The following CHEK1 variants were observed in gnomAD, a reference collection of about 807,000 sequenced individuals.
The protein encoded by CHEK1 is serine/threonine-protein kinase Chk1.
A neutral mutation model predicts 60.2 loss-of-function variants in CHEK1; 32 were observed. That is an observed-to-expected ratio of 0.53 (90% confidence interval 0.40 to 0.71). The LOEUF is 0.71. Among genes scored for constraint, CHEK1 ranks in the 30% least tolerant of loss-of-function variants. CHEK1 has a pLI of 0.00. For missense variants in CHEK1, 399 were observed against 564.6 expected (o/e 0.71, Z 2.97); for synonymous variants, 179 against 187.2 (o/e 0.96, Z 0.36).
downstream of CHEK1, chr11:125,676,514 G>C (rs1350828481): frequency 6.2e-7 from 1 of 1,613,110 alleles, no homozygotes; most frequent in African/African-American, 1.3e-5. Flanking sequence ...ACATTTCCTT[G>C]TGGACCAGAT....
Position 125,654,924 on chromosome 11 carries a change from A to G in CHEK1, c.1336-301A>G, listed in dbSNP as rs371756584. Among the ~76,000 whole-genome samples, 14 of 152,330 alleles carry G rather than the reference A, an allele frequency of 9.2e-5. No individual in the cohort carries two copies. In the East Asian group the frequency reaches 2.5e-3, roughly 27 times the overall value. On this transcript the variant is annotated intron_variant, in intron 12 of 12. Transcript: ENST00000438015. ...TTTCCAAACCCTCACTGCCTATGGAATGTAATGACTTAGGTCCAGATATAC... is the reference window on the plus strand; with the variant it reads ...TTTCCAAACCCTCACTGCCTATGGAGTGTAATGACTTAGGTCCAGATATAC...
chr11:125,681,063 TA>T (rs11398416), downstream of CHEK1: 3,529 of 168,288 alleles, frequency 0.021, 26 homozygotes, highest in African/African-American at 0.033. This position sits in a 1 kb window ranked among gnomAD's most constrained non-coding sequence, Gnocchi z 4.2. Context: ...GCCCTATCTT[TA>T]AAAAAAAAAA....
At chr11:125,636,363 C>G (rs1437772235) in intron 7 of CHEK1, among the ~76,000 whole-genome samples, 2 of 152,034 alleles carry the variant, frequency 1.3e-5, no homozygotes, top group African/African-American at 4.8e-5. Flanking sequence ...CTTTTAATCA[C>G]TTTGTTGGAG....
rs1940716041 is a variant in CHEK1, at chr11:125,628,484, GGA to G, written c.289+660_289+661del. On this transcript the variant is annotated intron_variant, in intron 3 of 12. Transcript: ENST00000438015. Reference sequence around the variant, plus strand: ...GTATTAGGATCTCCAGTGTGACTCAGGAGAGAGTTGAGGGTAAAAGAAATGGA... The same window carrying G: ...GTATTAGGATCTCCAGTGTGACTCAGGAGAGTTGAGGGTAAAAGAAATGGA... Among the ~76,000 whole-genome samples the G allele has an allele frequency of 2.0e-5, 3 of 152,286 alleles. No individual in the cohort carries two copies. In the South Asian group the frequency reaches 6.2e-4, roughly 32 times the overall value.
downstream of CHEK1, among the ~76,000 whole-genome samples, chr11:125,680,258 T>C (rs575550155): frequency 6.6e-6 from 1 of 152,304 alleles, no homozygotes; most frequent in South Asian, 2.1e-4. Context: ...GAAAACCTGA[T>C]TGATATAACA....
chr11:125,665,696 T>G (rs1368915467), intron 13 of CHEK1, among the ~76,000 whole-genome samples: 1 of 152,048 alleles, frequency 6.6e-6, no homozygotes, highest in African/African-American at 2.4e-5. Flanking sequence ...TTCTTTATGG[T>G]TCAATCTTGA....
At chr11:125,673,139 A>G (rs1942286364) in intron 13 of CHEK1, among the ~76,000 whole-genome samples, 1 of 151,604 alleles carries the variant, frequency 6.6e-6, no homozygotes. Flanking sequence ...CAAATTCTGC[A>G]TCCTTTTCTC....
intron 13 of CHEK1, among the ~76,000 whole-genome samples, chr11:125,664,695 A>C (rs970009953): frequency 6.6e-6 from 1 of 152,156 alleles, no homozygotes. Context: ...TCAGATGGAT[A>C]CTTTGCAAAT....
chr11:125,637,716 G>C (rs1045361287), intron 8 of CHEK1, among the ~76,000 whole-genome samples, 172 bp downstream of exon 8: 16 of 152,116 alleles, frequency 1.1e-4, no homozygotes, highest in Non-Finnish European at 1.8e-4. Context: ...TAATTATAAA[G>C]GGGAAAGTCA....
downstream of CHEK1, among the ~76,000 whole-genome samples, chr11:125,678,801 C>A (rs1005580336): frequency 5.9e-5 from 9 of 151,478 alleles, no homozygotes; most frequent in African/African-American, 9.7e-5. Flanking sequence ...GAAGAGTTAA[C>A]CTTTGGACAG....
intron 11 of CHEK1, among the ~76,000 whole-genome samples, chr11:125,646,154 C>T (rs150306841): frequency 6.6e-6 from 1 of 152,114 alleles, no homozygotes; most frequent in African/African-American, 2.4e-5. Context: ...CTTTCTTGCT[C>T]CATTCCCAGA....
intron 11 of CHEK1, among the ~76,000 whole-genome samples, chr11:125,644,962 C>T (rs1941444485): frequency 6.6e-6 from 1 of 152,138 alleles, no homozygotes; most frequent in African/African-American, 2.4e-5. Context: ...GAGCCGAGAT[C>T]CTGCCAGTGC....
chr11:125,635,323 A>G (rs959056510), intron 6 of CHEK1, 106 bp from the exon 7 acceptor site: 2 of 675,378 alleles, frequency 3.0e-6, no homozygotes, highest in East Asian at 3.2e-5. Flanking sequence ...TGAAAACCAT[A>G]TTGAATTAAT....
intron 13 of CHEK1, among the ~76,000 whole-genome samples, chr11:125,663,811 C>T (rs1231333562): frequency 6.6e-6 from 1 of 152,088 alleles, no homozygotes; most frequent in Non-Finnish European, 1.5e-5. Context: ...ACATTTAAGT[C>T]TTTAATCCAT....
At chr11:125,628,706 A>AGACTT (rs1312146735) in intron 3 of CHEK1, among the ~76,000 whole-genome samples, 1 of 152,280 alleles carries the variant, frequency 6.6e-6, no homozygotes, top group African/African-American at 2.4e-5. Context: ...CTTGAGCTCA[A>AGACTT]GAGTTCCAGG....
intron 7 of CHEK1, chr11:125,635,790 C>CT (rs1941050944): frequency 4.4e-6 from 1 of 229,116 alleles, no homozygotes; most frequent in African/African-American, 2.3e-5. Context: ...TGGCTTTTTA[C>CT]TTAAAGTTTT....
At position 125,629,304 on chromosome 11, in the gene CHEK1, T is replaced by C; in HGVS notation, c.354+8T>C. ...CAACTCATGGCAGGGGTGGTAGGTA[T>C]AGTTGTCTATTTCCCTTTTACTTAA... On this transcript the variant is annotated splice_region_variant and intron_variant, in intron 4 of 12. Coordinates refer to ENST00000438015, the MANE Select transcript of CHEK1 (RefSeq NM_001114122.3). 1 of 1,614,060 alleles carries C rather than the reference T, an allele frequency of 6.2e-7. No individual in the cohort carries two copies.
intron 11 of CHEK1, among the ~76,000 whole-genome samples, chr11:125,644,978 T>A (rs1348017113): frequency 6.6e-6 from 1 of 152,134 alleles, no homozygotes; most frequent in Admixed American, 6.6e-5. Context: ...AGTGCACTCC[T>A]GCGTGGCCAA....
At chr11:125,626,389 C>T (rs1300130955) in intron 1 of CHEK1, 2 of 430,278 alleles carry the variant, frequency 4.6e-6, no homozygotes, top group East Asian at 3.8e-5. Flanking sequence ...CCATACCGCT[C>T]CCTATATCCT....
Sources: gnomAD v4.1 joint callset for allele counts (sites outside exome capture counted in the v4.1 genomes callset) on GRCh38, gnomAD v4.1.1 for gene constraint, Gnocchi (gnomAD v3.1) non-coding constraint, MANE v1.5 for transcripts, NCBI Gene and HGNC (gene_info 2026-07-23, HGNC 2026-07-21) for gene names.